Variants in FOXP1 observed in about 807,000 individuals in gnomAD.
FOXP1 encodes the protein forkhead box protein P1.
A neutral mutation model predicts 98.2 loss-of-function variants in FOXP1; 15 were observed. The observed-to-expected ratio is 0.15, with a 90% confidence interval of 0.10 to 0.24. The LOEUF is 0.24. Among genes scored for constraint, FOXP1 ranks in the 10% least tolerant of loss-of-function variants. FOXP1 has a pLI of 1.00. For synonymous variants in FOXP1, 371 were observed against 314.5 expected (o/e 1.18, Z -1.90); for missense variants, 633 against 848.5 (o/e 0.75, Z 3.15).
At chr3:71,032,550 G>C (rs186189340) in intron 11 of FOXP1, among the ~76,000 whole-genome samples, 4 of 152,150 alleles carry the variant, frequency 2.6e-5, no homozygotes, top group Non-Finnish European at 4.4e-5. Context: ...GATTACAAAG[G>C]GGTATGGAAT....
At chr3:71,518,569 T>A (rs574830881) in intron 2 of FOXP1, among the ~76,000 whole-genome samples, 1 of 152,248 alleles carries the variant, frequency 6.6e-6, no homozygotes, top group Non-Finnish European at 1.5e-5. Flanking sequence ...CCAGGACAGG[T>A]CCATACAATT....
chr3:71,566,592 A>C (rs2046932416), intron 2 of FOXP1, among the ~76,000 whole-genome samples: 1 of 152,224 alleles, frequency 6.6e-6, no homozygotes, highest in African/African-American at 2.4e-5. Flanking sequence ...TCTGACGTTC[A>C]AAATCTATGA....
intron 3 of FOXP1, among the ~76,000 whole-genome samples, chr3:71,456,631 T>C (rs1174063750): frequency 1.3e-5 from 2 of 152,148 alleles, no homozygotes; most frequent in Admixed American, 1.3e-4. Flanking sequence ...CACTTTCTTG[T>C]CTGGAAGAGG....
At chr3:70,980,274 A>C (rs2038598005) in intron 14 of FOXP1, among the ~76,000 whole-genome samples, 1 of 152,208 alleles carries the variant, frequency 6.6e-6, no homozygotes, top group South Asian at 2.1e-4. Flanking sequence ...GCATCAGCCC[A>C]AGCAAAGGGT....
rs956181893 is a variant in FOXP1 at position 71,510,866 on chromosome 3, AT to A, written c.-297-17312del. On this transcript the variant is annotated intron_variant, in intron 2 of 20. Transcript: ENST00000649528. ...AATCAGTACATGCCTCATTAAAACA[AT>A]TTTTTTAAAACTGAGTTTCTTGAAC... Among the ~76,000 whole-genome samples, 96 of 152,202 alleles carry A rather than the reference AT, an allele frequency of 6.3e-4. 2 individuals carry two copies. Among genetic ancestry groups the A allele is most frequent in the Non-Finnish European group, 1.2e-3 (84 of 68,046 alleles).
intron 7 of FOXP1, among the ~76,000 whole-genome samples, chr3:71,061,169 G>T (rs749674372): frequency 3.6e-4 from 54 of 152,090 alleles, no homozygotes; most frequent in Non-Finnish European, 5.6e-4. Flanking sequence ...AGTATTGCAC[G>T]CTCTGAAAGG....
At chr3:71,307,553 T>C (rs1371950636) in intron 4 of FOXP1, among the ~76,000 whole-genome samples, 1 of 152,184 alleles carries the variant, frequency 6.6e-6, no homozygotes, top group African/African-American at 2.4e-5. Context: ...TTGTCCACCC[T>C]TTTGCCTTGA....
At chr3:71,416,293 T>C (rs1220494958) in intron 3 of FOXP1, among the ~76,000 whole-genome samples, 1 of 151,958 alleles carries the variant, frequency 6.6e-6, no homozygotes, top group Non-Finnish European at 1.5e-5. Context: ...ACCAACACTT[T>C]GGGAGGACGA....
chr3:71,411,587 G>T (rs1429645763), intron 3 of FOXP1, among the ~76,000 whole-genome samples: 1 of 152,178 alleles, frequency 6.6e-6, no homozygotes, highest in African/African-American at 2.4e-5. Flanking sequence ...CTCCCAAAGT[G>T]CTAGGATTAC....
intron 18 of FOXP1, 79 bp downstream of exon 18, chr3:70,972,476 T>C: frequency 4.4e-6 from 7 of 1,586,740 alleles, no homozygotes; most frequent in South Asian, 1.1e-5. Context: ...TCTAACACCA[T>C]CTAGCAGCCA....
intron 6 of FOXP1, among the ~76,000 whole-genome samples, chr3:71,189,327 AC>A (rs1225656135): frequency 1.3e-5 from 2 of 152,352 alleles, no homozygotes; most frequent in African/African-American, 4.8e-5. Flanking sequence ...CAATGGGAAC[AC>A]AAGCATTTTA....
chr3:71,008,914 T>C (rs972521499), intron 12 of FOXP1, among the ~76,000 whole-genome samples: 10 of 151,924 alleles, frequency 6.6e-5, no homozygotes, highest in African/African-American at 1.9e-4. Context: ...ACCTCTCTTT[T>C]TTCTGAACCC....
At chr3:71,388,107 T>C (rs1315100542) in intron 3 of FOXP1, among the ~76,000 whole-genome samples, 2 of 152,222 alleles carry the variant, frequency 1.3e-5, no homozygotes, top group East Asian at 3.8e-4. Context: ...TTTTTTTTAA[T>C]GTCCTGTAGA....
chr3:71,198,093 C>G, intron 6 of FOXP1, 109 bp downstream of exon 6: 1 of 1,614,084 alleles, frequency 6.2e-7, no homozygotes, highest in Non-Finnish European at 8.5e-7. Flanking sequence ...GACAGATGGA[C>G]AGACAGGTGA....
intron 2 of FOXP1, among the ~76,000 whole-genome samples, chr3:71,569,735 C>A (rs1211101439): frequency 6.6e-6 from 1 of 151,826 alleles, no homozygotes; most frequent in Non-Finnish European, 1.5e-5. Flanking sequence ...TTATGGATAT[C>A]ATTACGATCC....
At chr3:71,106,131 T>A (rs1348643748) in intron 7 of FOXP1, among the ~76,000 whole-genome samples, 1 of 152,154 alleles carries the variant, frequency 6.6e-6, no homozygotes, top group Non-Finnish European at 1.5e-5. Flanking sequence ...CCTCATCCAT[T>A]AAATGATTTA....
At chr3:71,052,755 G>C in intron 8 of FOXP1, 129 bp from the exon 9 acceptor site, 1 of 710,492 alleles carries the variant, frequency 1.4e-6, no homozygotes, top group Non-Finnish European at 2.6e-6. Context: ...CCTTTAGTTT[G>C]AAACTCGACA....
chr3:71,319,077 C>A (rs1346646308), intron 4 of FOXP1, among the ~76,000 whole-genome samples: 1 of 152,154 alleles, frequency 6.6e-6, no homozygotes, highest in Non-Finnish European at 1.5e-5. Flanking sequence ...CGTGATTTTG[C>A]CATTAACTGA....
chr3:71,169,796 A>AG, intron 6 of FOXP1, among the ~76,000 whole-genome samples: 1 of 152,258 alleles, frequency 6.6e-6, no homozygotes, highest in East Asian at 1.9e-4. Flanking sequence ...AAAAAAAAAA[A>AG]AAAGATTTTT....
Sources: allele counts gnomAD v4.1 joint callset (sites outside exome capture counted in the v4.1 genomes callset), GRCh38; gene constraint gnomAD v4.1.1; transcripts MANE v1.5; gene names NCBI Gene and HGNC (gene_info 2026-07-23, HGNC 2026-07-21).